The following DCAF17 variants were observed in gnomAD, a reference collection of about 807,000 sequenced individuals.
DCAF17 encodes the protein DDB1 and CUL4 associated factor 17, also known as DDB1- and CUL4-associated factor 17.
DCAF17 carries 48 observed loss-of-function variants against 66.0 expected under a neutral mutation model. That is an observed-to-expected ratio of 0.73 (90% CI 0.58 to 0.92). The LOEUF (loss-of-function observed/expected upper bound fraction) is 0.92, where lower values mean the gene tolerates loss of function less well. DCAF17 is among the 40% of genes least tolerant of loss of function. The pLI is 0.00. For synonymous variants in DCAF17, 206 were observed against 214.6 expected (o/e 0.96, Z 0.35); for missense variants, 562 against 622.8 (o/e 0.90, Z 1.04).
chr2:171,469,798 GTTTTTT>G (rs1696137114), intron 9 of DCAF17, among the ~76,000 whole-genome samples: 2 of 152,064 alleles, frequency 1.3e-5, no homozygotes, highest in Non-Finnish European at 2.9e-5. Context: ...TGCTGATTAT[GTTTTTT>G]GTTGGTTAGT....
At position 171,434,370 on chromosome 2, in the gene DCAF17, C is replaced by A. The variant is rs1693607185; in HGVS notation, c.-208C>A. The A allele has an allele frequency of 1.2e-6, 1 of 847,678 alleles. No individual in the cohort carries two copies. Among genetic ancestry groups the A allele is most frequent in the Non-Finnish European group, 1.9e-6 (1 of 525,648 alleles). 52.5% of individuals were successfully genotyped at this position (847,678 alleles called of 1,614,324 possible). A position where few individuals can be genotyped will look rare whatever the true frequency, so the allele number is the denominator to read the frequency against. On this transcript the variant is annotated 5_prime_UTR_variant, in exon 1 of 14. Coordinates refer to ENST00000375255, the MANE Select transcript of DCAF17 (RefSeq NM_025000.4). Reference sequence around the variant, plus strand: ...TCGAAAAGGGAGTGCTTCTTCCCTTCTCTCCGCGCTCTGGCGGTGCAAGCG... The same window carrying A: ...TCGAAAAGGGAGTGCTTCTTCCCTTATCTCCGCGCTCTGGCGGTGCAAGCG...
chr2:171,438,117 T>C (rs1694074095), intron 2 of DCAF17, among the ~76,000 whole-genome samples: 1 of 152,248 alleles, frequency 6.6e-6, no homozygotes, highest in South Asian at 2.1e-4. Flanking sequence ...CTTTGACCCA[T>C]GTGTTATTTA....
intron 5 of DCAF17, among the ~76,000 whole-genome samples, chr2:171,451,958 G>T (rs977345330): frequency 2.6e-5 from 4 of 151,994 alleles, no homozygotes; most frequent in Admixed American, 6.6e-5. Context: ...CTATATTCTG[G>T]ACTGTTTTCC....
chr2:171,436,049 A>G (rs901811832), intron 2 of DCAF17, among the ~76,000 whole-genome samples: 7 of 152,120 alleles, frequency 4.6e-5, no homozygotes, highest in Non-Finnish European at 2.9e-5. Flanking sequence ...AGATTCACCT[A>G]TTCTGTACTT....
At chr2:171,472,919 C>T in intron 9 of DCAF17, 1 of 332,340 alleles carries the variant, frequency 3.0e-6, no homozygotes, top group East Asian at 1.0e-4. Context: ...TTAATATATC[C>T]AAGTTGATGT....
Position 171,483,861 on chromosome 2 carries a change from C to T in DCAF17, c.*2747C>T, listed in dbSNP as rs886055116. On this transcript the variant is annotated 3_prime_UTR_variant, in exon 14 of 14. Transcript: ENST00000375255. ...AACTAGTCAGTGCAGAGGTGGGAAA[C>T]ATAACCAGATTTGTTCGGCATGAAC... The T allele has an allele frequency of 4.8e-5, 22 of 453,926 alleles. No homozygotes were observed. The highest frequency in any genetic ancestry group is 7.1e-5 in the Non-Finnish European group (16 of 226,780). The allele number at this position is 453,926 out of a possible 1,614,324, so 28.1% of individuals were successfully genotyped here.
chr2:171,451,427 T>TA (rs1162151090), intron 5 of DCAF17, among the ~76,000 whole-genome samples: 1 of 152,194 alleles, frequency 6.6e-6, no homozygotes, highest in Non-Finnish European at 1.5e-5. Context: ...TTTATACTCT[T>TA]ACTACCTTGC....
At chr2:171,441,150 C>T (rs1694286913) in intron 2 of DCAF17, among the ~76,000 whole-genome samples, 3 of 152,312 alleles carry the variant, frequency 2.0e-5, no homozygotes, top group Admixed American at 2.0e-4. Context: ...TGTTAGTGCT[C>T]CTAGGCCTTA....
At chr2:171,462,746 A>T (rs1485744079) in intron 8 of DCAF17, among the ~76,000 whole-genome samples, 1 of 152,206 alleles carries the variant, frequency 6.6e-6, no homozygotes, top group Non-Finnish European at 1.5e-5. Flanking sequence ...GAAAGTGATA[A>T]ATGTACAATT....
At chr2:171,458,913 A>G (rs924582574) in intron 8 of DCAF17, among the ~76,000 whole-genome samples, 1 of 152,230 alleles carries the variant, frequency 6.6e-6, no homozygotes, top group South Asian at 2.1e-4. Context: ...AGAACTTCCC[A>G]GTATACTTAA....
At chr2:171,437,200 C>G (rs948632998) in intron 2 of DCAF17, among the ~76,000 whole-genome samples, 2 of 152,008 alleles carry the variant, frequency 1.3e-5, no homozygotes, top group Non-Finnish European at 2.9e-5. Flanking sequence ...AGGTTTTTTT[C>G]TAAAGGGTTT....
intron 1 of DCAF17, 151 bp from the exon 2 acceptor site, chr2:171,434,932 A>G (rs572052207): frequency 1.9e-5 from 20 of 1,033,900 alleles, no homozygotes; most frequent in Admixed American, 5.7e-5. Flanking sequence ...AAAGTTGGTC[A>G]CCTCATTAAG....
intron 12 of DCAF17, chr2:171,479,815 T>C (rs1696659539): frequency 2.0e-6 from 1 of 497,044 alleles, no homozygotes; most frequent in Admixed American, 3.4e-5. Flanking sequence ...TTGGTTTTGT[T>C]TATCAAATCT....
intron 9 of DCAF17, among the ~76,000 whole-genome samples, chr2:171,472,649 A>G (rs933498367): frequency 2.0e-5 from 3 of 152,228 alleles, no homozygotes; most frequent in Non-Finnish European, 4.4e-5. Context: ...CATAGCTCAC[A>G]ATAACTGCGT....
chr2:171,482,623 G>C lies in DCAF17; in HGVS notation c.*1509G>C. The C allele has an allele frequency of 4.4e-6, 2 of 454,016 alleles. No homozygotes were observed. Among genetic ancestry groups the C allele is most frequent in the Non-Finnish European group, 8.8e-6 (2 of 226,768 alleles). 28.1% of individuals were successfully genotyped at this position (454,016 alleles called of 1,614,324 possible). A position where few individuals can be genotyped will look rare whatever the true frequency, so the allele number is the denominator to read the frequency against. ...TAGAGTGTTCATTCTCCATTTCCAA[G>C]AGTGTTTCAGAATAGGATGTCTTAA... On this transcript the variant is annotated 3_prime_UTR_variant, in exon 14 of 14. Transcript: ENST00000375255.
At chr2:171,442,295 A>G (rs2105734006) in intron 2 of DCAF17, among the ~76,000 whole-genome samples, 1 of 152,346 alleles carries the variant, frequency 6.6e-6, no homozygotes. Flanking sequence ...GCAGTGGCTC[A>G]CGCCTGTAAT....
intron 13 of DCAF17, 115 bp downstream of exon 13, chr2:171,480,308 G>A: frequency 7.5e-7 from 1 of 1,337,580 alleles, no homozygotes; most frequent in Non-Finnish European, 1.0e-6. Flanking sequence ...CAATGACCAT[G>A]TGAAAGAGGT....
chr2:171,447,844 C>G (rs979927051), intron 3 of DCAF17, among the ~76,000 whole-genome samples: 2 of 152,226 alleles, frequency 1.3e-5, no homozygotes, highest in African/African-American at 4.8e-5. Flanking sequence ...TCTTTTTCTT[C>G]CTGCCTTAGA....
chr2:171,470,298 T>C (rs773519447), intron 9 of DCAF17, among the ~76,000 whole-genome samples: 56 of 152,214 alleles, frequency 3.7e-4, no homozygotes, highest in Non-Finnish European at 1.0e-4. Context: ...ATTTGCTTTT[T>C]TTTTTGAGGC....
Sources: gnomAD v4.1 joint callset for allele counts (sites outside exome capture counted in the v4.1 genomes callset) on GRCh38, gnomAD v4.1.1 for gene constraint, MANE v1.5 for transcripts, NCBI Gene and HGNC (gene_info 2026-07-23, HGNC 2026-07-21) for gene names.